The following SMAD2 variants were observed in gnomAD, a reference collection of about 807,000 sequenced individuals.
SMAD2 encodes MAD homolog 2.
A neutral mutation model predicts 64.4 loss-of-function variants in SMAD2; 8 were observed. The ratio of observed to expected loss-of-function variants is 0.12; its 90% confidence interval spans 0.07 to 0.22. SMAD2 has a LOEUF of 0.22. SMAD2 is among the 10% of genes least tolerant of loss of function. The probability of loss-of-function intolerance (pLI) is 1.00; values close to 1 mark genes in which losing one functional copy is unlikely to be tolerated. For synonymous variants in SMAD2, 203 were observed against 195.8 expected, an observed-to-expected ratio of 1.04 and a Z score of -0.31; for missense variants, 289 against 561.2, an observed-to-expected ratio of 0.51 and a Z score of 4.90.
intron 2 of SMAD2, among the ~76,000 whole-genome samples, chr18:47,893,991 A>G (rs2033324109): frequency 6.6e-6 from 1 of 152,252 alleles, no homozygotes; most frequent in South Asian, 2.1e-4. Flanking sequence ...ATGATGAAGC[A>G]GCTCCAGAAT....
At position 47,821,158 on chromosome 18, in the gene SMAD2, TAG is replaced by T. The variant is rs775827526; in HGVS notation, c.*20667_*20668del. The T allele has an allele frequency of 3.9e-5, 6 of 152,204 alleles. No homozygotes were observed. The highest frequency in any genetic ancestry group is 5.9e-5 in the Non-Finnish European group (4 of 68,018). The allele number at this position is 152,204 out of a possible 1,614,324, so 9.4% of individuals were successfully genotyped here. A position where few individuals can be genotyped will look rare whatever the true frequency, so the allele number is the denominator to read the frequency against. On this transcript the variant is annotated 3_prime_UTR_variant, in exon 11 of 11. Transcript: ENST00000262160. Reference sequence around the variant, plus strand: ...AAGATGGTCATTTCATTTCTTGAGGTAGAGTTTTCTTCTTGAAGATCCTGATT... The same window carrying T: ...AAGATGGTCATTTCATTTCTTGAGGTAGTTTTCTTCTTGAAGATCCTGATT...
chr18:47,850,381 ATT>A (rs1568040789), intron 7 of SMAD2, among the ~76,000 whole-genome samples: 1 of 23,548 alleles, frequency 4.2e-5, no homozygotes, highest in Non-Finnish European at 5.9e-5. Context: ...TATTATATAT[ATT>A]ATATAATATA....
chr18:47,907,099 G>T (rs1232356920), intron 1 of SMAD2, among the ~76,000 whole-genome samples: 1 of 152,128 alleles, frequency 6.6e-6, no homozygotes, highest in Non-Finnish European at 1.5e-5. Context: ...CTGCTGAAAT[G>T]AAAGTATAAA....
At chr18:47,885,624 C>T (rs748726898) in intron 2 of SMAD2, among the ~76,000 whole-genome samples, 3 of 152,072 alleles carry the variant, frequency 2.0e-5, no homozygotes, top group Non-Finnish European at 2.9e-5. Flanking sequence ...CATCCATGGA[C>T]AGAAAATACT....
intron 2 of SMAD2, among the ~76,000 whole-genome samples, chr18:47,872,615 A>T (rs1213312553): frequency 6.6e-6 from 1 of 152,102 alleles, no homozygotes; most frequent in Non-Finnish European, 1.5e-5. Flanking sequence ...CAGGGGAGAG[A>T]CCATTACCAC....
chr18:47,903,964 C>T (rs1426776216), intron 1 of SMAD2, among the ~76,000 whole-genome samples: 1 of 139,194 alleles, frequency 7.2e-6, no homozygotes, highest in Non-Finnish European at 1.6e-5. Context: ...CAATGGGGAA[C>T]AAAAAAATGT....
At chr18:47,927,802 G>C (rs2034826168) in intron 1 of SMAD2, among the ~76,000 whole-genome samples, 1 of 152,214 alleles carries the variant, frequency 6.6e-6, no homozygotes, top group African/African-American at 2.4e-5. Flanking sequence ...AGGAGGCTGA[G>C]GCAGGAGAAG....
chr18:47,908,269 A>T (rs1243249128), intron 1 of SMAD2, among the ~76,000 whole-genome samples: 1 of 152,226 alleles, frequency 6.6e-6, no homozygotes, highest in East Asian at 1.9e-4. Context: ...TGAGAGCCCA[A>T]ATGACAGCCA....
intron 6 of SMAD2, among the ~76,000 whole-genome samples, chr18:47,854,647 TTTA>T (rs1317424305): frequency 6.6e-6 from 1 of 152,024 alleles, no homozygotes; most frequent in Non-Finnish European, 1.5e-5. Flanking sequence ...CAGGTTTTTT[TTTA>T]AAAAAAATCT....
chr18:47,925,720 TA>T (rs57087523), intron 1 of SMAD2, among the ~76,000 whole-genome samples: 7 of 151,436 alleles, frequency 4.6e-5, no homozygotes, highest in Admixed American at 2.6e-4. Flanking sequence ...GTACTACTGC[TA>T]AAAAAAAACC....
At position 47,810,950 on chromosome 18, in the gene SMAD2, A is replaced by G. The variant is rs187357321; in HGVS notation, c.*30877T>C. On this transcript the variant is annotated 3_prime_UTR_variant, in exon 11 of 11. Coordinates refer to ENST00000262160, the MANE Select transcript of SMAD2 (RefSeq NM_005901.6). ...ACTTCCGTGCCTGTCTTGTACTCTG[A>G]AGACAGTAATTATTAGCCTCGAAGT... The G allele has an allele frequency of 2.0e-5, 3 of 152,316 alleles. No individual in the cohort carries two copies. Among genetic ancestry groups the G allele is most frequent in the East Asian group, 3.9e-4 (2 of 5,190 alleles). 9.4% of individuals were successfully genotyped at this position (152,316 alleles called of 1,614,324 possible).
intron 7 of SMAD2, 123 bp downstream of exon 7, chr18:47,851,151 T>C: frequency 1.4e-6 from 1 of 711,548 alleles, no homozygotes; most frequent in Non-Finnish European, 2.5e-6. Context: ...ACATACATAA[T>C]TATTTGGCTA....
chr18:47,889,897 GAA>G (rs1160593150), intron 2 of SMAD2, among the ~76,000 whole-genome samples: 2 of 152,176 alleles, frequency 1.3e-5, no homozygotes, highest in Non-Finnish European at 2.9e-5. Flanking sequence ...AACAGGACAA[GAA>G]AAGAGGGTAT....
intron 10 of SMAD2, chr18:47,845,128 C>G: frequency 1.6e-6 from 1 of 631,544 alleles, no homozygotes; most frequent in South Asian, 1.9e-5. Context: ...CGTTAAAATG[C>G]ACGCCTGTGC....
Position 47,859,592 on chromosome 18 carries a change from G to A in SMAD2, c.730+5467C>T, listed in dbSNP as rs1040710801. Among the ~76,000 whole-genome samples, 8 of 152,180 alleles carry A rather than the reference G, an allele frequency of 5.3e-5. No homozygotes were observed. The East Asian group carries it at 1.4e-3, about 26-fold the overall frequency. On this transcript the variant is annotated intron_variant, in intron 6 of 10. Transcript: ENST00000262160. ...TGAATCAAGAAGAATTAGAAAATAAGTGATAATTTAAAAACAACATAAAAT... is the reference window on the plus strand; with the variant it reads ...TGAATCAAGAAGAATTAGAAAATAAATGATAATTTAAAAACAACATAAAAT...
chr18:47,922,972 G>A (rs2034621397), intron 1 of SMAD2, among the ~76,000 whole-genome samples: 1 of 151,562 alleles, frequency 6.6e-6, no homozygotes, highest in Admixed American at 6.6e-5. Flanking sequence ...CAAACCTAAT[G>A]CAAGCTTGAA....
chr18:47,924,768 A>G (rs2034698178), intron 1 of SMAD2, among the ~76,000 whole-genome samples: 1 of 152,002 alleles, frequency 6.6e-6, no homozygotes. Flanking sequence ...CGGCCTCACC[A>G]CCTCACATTC....
chr18:47,819,273 ATAAAC>A lies in SMAD2; in HGVS notation c.*22549_*22553del, dbSNP rs1398550000. ...TTAGACTTTTTAAGGTCATAAAACT[ATAAAC>A]TCAACTTAAAAACAGAATGATCTTT... On this transcript the variant is annotated 3_prime_UTR_variant, in exon 11 of 11. Coordinates refer to ENST00000262160, the MANE Select transcript of SMAD2 (RefSeq NM_005901.6). 1 of 152,244 alleles carries A rather than the reference ATAAAC, an allele frequency of 6.6e-6. No individual in the cohort carries two copies. Among genetic ancestry groups the A allele is most frequent in the African/African-American group, 2.4e-5 (1 of 41,464 alleles). The allele number at this position is 152,244 out of a possible 1,614,324, so 9.4% of individuals were successfully genotyped here.
chr18:47,856,934 T>C (rs1342676278), intron 6 of SMAD2, among the ~76,000 whole-genome samples: 1 of 145,830 alleles, frequency 6.9e-6, no homozygotes, highest in African/African-American at 2.5e-5. Context: ...CTCGGCTCAC[T>C]GCAAGCTCCG....
Sources: allele counts gnomAD v4.1 joint callset (sites outside exome capture counted in the v4.1 genomes callset), GRCh38; gene constraint gnomAD v4.1.1; transcripts MANE v1.5; gene names NCBI Gene and HGNC (gene_info 2026-07-23, HGNC 2026-07-21).